Variants in PSMA6 observed in about 807,000 individuals in gnomAD.
The protein encoded by PSMA6 is proteasome subunit alpha type-6.
For missense variants in PSMA6, 170 were observed against 294.8 expected (o/e 0.58, Z 3.10); for synonymous variants, 88 against 97.7 (o/e 0.90, Z 0.59).
intron 1 of PSMA6, among the ~76,000 whole-genome samples, chr14:35,286,823 A>G (rs1167443967): frequency 6.6e-6 from 1 of 152,052 alleles, no homozygotes; most frequent in African/African-American, 2.4e-5. Flanking sequence ...TAAACACTGT[A>G]TTGCATCCAC....
chr14:35,288,156 A>C (rs781061296), upstream of PSMA6, among the ~76,000 whole-genome samples: 2 of 152,254 alleles, frequency 1.3e-5, no homozygotes, highest in African/African-American at 2.4e-5. Context: ...TGGAGTGCTT[A>C]CCTCAGGCTA....
intron 5 of PSMA6, 200 bp downstream of exon 5, chr14:35,313,259 T>G (rs1295425443): frequency 4.0e-6 from 2 of 500,456 alleles, no homozygotes; most frequent in Non-Finnish European, 6.7e-6. Context: ...CGTAATGTAT[T>G]TGAGGTGGCT....
At chr14:35,290,341 G>A (rs1178263681), upstream of PSMA6, among the ~76,000 whole-genome samples, 2 of 152,112 alleles carry the variant, frequency 1.3e-5, no homozygotes, top group Non-Finnish European at 2.9e-5. Flanking sequence ...GAAGACAAAA[G>A]TCTTCAAAAG....
At chr14:35,279,841 C>T (rs1464912503) in intron 1 of PSMA6, among the ~76,000 whole-genome samples, 5 of 152,162 alleles carry the variant, frequency 3.3e-5, no homozygotes, top group Admixed American at 6.5e-5. Flanking sequence ...ATGTACTTTT[C>T]GGGCCGGGCG....
intron 4 of PSMA6, among the ~76,000 whole-genome samples, chr14:35,312,274 A>G (rs923261782): frequency 6.6e-6 from 1 of 151,022 alleles, no homozygotes; most frequent in Non-Finnish European, 1.5e-5. Context: ...TGGGAGGACG[A>G]GGCAGGTGGA....
chr14:35,309,250 A>C (rs2051891780), intron 3 of PSMA6, among the ~76,000 whole-genome samples: 1 of 152,108 alleles, frequency 6.6e-6, no homozygotes, highest in Non-Finnish European at 1.5e-5. Context: ...TTCATAGATG[A>C]TTTTATCTTA....
At chr14:35,281,376 T>C (rs568413082) in intron 1 of PSMA6, among the ~76,000 whole-genome samples, 1 of 152,256 alleles carries the variant, frequency 6.6e-6, no homozygotes, top group African/African-American at 2.4e-5. Flanking sequence ...GCAGCTAATC[T>C]CCTGGAGCCT....
At chr14:35,307,422 A>G (rs1016950392) in intron 1 of PSMA6, among the ~76,000 whole-genome samples, 7 of 152,190 alleles carry the variant, frequency 4.6e-5, no homozygotes, top group African/African-American at 1.2e-4. Context: ...AAGATGCAGT[A>G]TGATAAAAAT....
intron 1 of PSMA6, among the ~76,000 whole-genome samples, chr14:35,283,892 A>T (rs1398363882): frequency 1.3e-5 from 2 of 152,014 alleles, no homozygotes; most frequent in Admixed American, 6.6e-5. Context: ...TTTTGCAGAT[A>T]ATCTCTTCTT....
intron 1 of PSMA6, among the ~76,000 whole-genome samples, chr14:35,297,119 G>GTTTTTTTTTTTTTT (rs924383407): frequency 1.6e-5 from 1 of 62,656 alleles, no homozygotes. Context: ...TCTTAACAAA[G>GTTTTTTTTTTTTTT]TTTTTTTTTT....
At chr14:35,290,360 G>C (rs1431538303), upstream of PSMA6, among the ~76,000 whole-genome samples, 1 of 152,140 alleles carries the variant, frequency 6.6e-6, no homozygotes, top group African/African-American at 2.4e-5. Flanking sequence ...AGGTCAAGAG[G>C]AGTTGGTCCT....
At chr14:35,311,987 A>C (rs1341907614) in intron 4 of PSMA6, among the ~76,000 whole-genome samples, 1 of 152,184 alleles carries the variant, frequency 6.6e-6, no homozygotes. Flanking sequence ...TACTGAGTTA[A>C]AGTTAAATAG....
At chr14:35,314,975 G>C (rs1240876032) in intron 6 of PSMA6, 1 of 152,384 alleles carries the variant, frequency 6.6e-6, no homozygotes, top group Non-Finnish European at 1.5e-5. Context: ...GTGTGTGTGT[G>C]TGTGTGTGTT....
At chr14:35,291,571 C>T (rs1393416490), upstream of PSMA6, among the ~76,000 whole-genome samples, 2 of 151,342 alleles carry the variant, frequency 1.3e-5, no homozygotes, top group African/African-American at 2.4e-5. Flanking sequence ...AGCCTGTAAT[C>T]CCAGCACTCT....
At chr14:35,299,327 C>CTTTTTTTTTTTTTT (rs71445906) in intron 1 of PSMA6, among the ~76,000 whole-genome samples, 29,793 of 64,872 alleles carry the variant, frequency 0.46, 11,354 homozygotes, top group East Asian at 0.61. Context: ...TGCCCAGCCT[C>CTTTTTTTTTTTTTT]TTTTTTTTTT....
chr14:35,314,282 G>C (rs1042074895), intron 5 of PSMA6, 79 bp from the exon 6 acceptor site: 7 of 1,369,762 alleles, frequency 5.1e-6, no homozygotes, highest in Non-Finnish European at 6.7e-6. Flanking sequence ...ATTGACTCAT[G>C]ATTTGAATAA....
intron 1 of PSMA6, among the ~76,000 whole-genome samples, chr14:35,303,544 G>C (rs1321192821): frequency 2.0e-5 from 3 of 152,176 alleles, no homozygotes; most frequent in Non-Finnish European, 4.4e-5. Context: ...TCTCCCAACT[G>C]TTGACTTCCC....
intron 1 of PSMA6, among the ~76,000 whole-genome samples, chr14:35,294,891 C>G (rs562035213): frequency 2.6e-5 from 4 of 152,048 alleles, no homozygotes; most frequent in African/African-American, 9.7e-5. Context: ...AAGTTGTTAA[C>G]ATTGACAGTA....
At chr14:35,299,835 C>T (rs1366804453) in intron 1 of PSMA6, among the ~76,000 whole-genome samples, 6 of 152,070 alleles carry the variant, frequency 3.9e-5, no homozygotes, top group Admixed American at 1.3e-4. Context: ...TTATACAAGC[C>T]TTTACTGAAA....
Sources: allele counts gnomAD v4.1 joint callset (sites outside exome capture counted in the v4.1 genomes callset), GRCh38; gene constraint gnomAD v4.1.1; transcripts MANE v1.5; gene names NCBI Gene and HGNC (gene_info 2026-07-23, HGNC 2026-07-21).